MAP3K2: variants seen among roughly 807,000 people sequenced by gnomAD.
The protein encoded by MAP3K2 is MAP/ERK kinase kinase 2.
Under a neutral mutation model 80.3 loss-of-function variants are expected in MAP3K2, and 24 were observed. The ratio of observed to expected loss-of-function variants is 0.30; its 90% CI spans 0.22 to 0.42. MAP3K2 has a LOEUF of 0.42. Among genes scored for constraint, MAP3K2 ranks in the 10% least tolerant of loss-of-function variants. MAP3K2 has a pLI of 1.00. For synonymous variants in MAP3K2, 244 were observed against 253.7 expected (o/e 0.96, Z 0.36); for missense variants, 608 against 750.1 (o/e 0.81, Z 2.21).
intron 1 of MAP3K2, among the ~76,000 whole-genome samples, chr2:127,377,044 G>A (rs996298376): frequency 2.6e-5 from 4 of 151,458 alleles, no homozygotes; most frequent in African/African-American, 7.3e-5. Context: ...CTGAATGATA[G>A]AGCGAGATCC....
rs1470903244 is a variant in MAP3K2 at position 127,321,721 on chromosome 2, T to C, written c.1045+325A>G. 6.6e-6 allele frequency among the ~76,000 whole-genome samples: 1 copy of C among 152,234 alleles called. No homozygotes were observed. Among genetic ancestry groups the C allele is most frequent in the Non-Finnish European group, 1.5e-5 (1 of 68,040 alleles). Reference sequence around the variant, plus strand: ...ACAATAATTATTTCTCCATGTATCATCTATCCCATTAGATTATGTCTTGGA... The same window carrying C: ...ACAATAATTATTTCTCCATGTATCACCTATCCCATTAGATTATGTCTTGGA... On this transcript the variant is annotated intron_variant, in intron 12 of 16. Coordinates refer to ENST00000682094, the MANE Select transcript of MAP3K2 (RefSeq NM_001371910.2). This position sits in a 1 kb window ranked among gnomAD's most constrained non-coding sequence, Gnocchi z 4.4.
chr2:127,342,478 G>A (rs1243330391), intron 2 of MAP3K2, among the ~76,000 whole-genome samples: 1 of 151,450 alleles, frequency 6.6e-6, no homozygotes, highest in Non-Finnish European at 1.5e-5. Flanking sequence ...ACTCTGGCAA[G>A]CAAATGTCAG....
chr2:127,339,247 C>G lies in MAP3K2; in HGVS notation c.5-197G>C, dbSNP rs1038455542. ...ACTAGACTTAATCTCTAGCATCAGT[C>G]CACACATGAGACACTAATGGACAAG... On this transcript the variant is annotated intron_variant, in intron 2 of 16. Coordinates refer to ENST00000682094, the MANE Select transcript of MAP3K2 (RefSeq NM_001371910.2). The surrounding 1 kb of genome is among the most constrained non-coding windows in gnomAD (Gnocchi z 4.2). Among the ~76,000 whole-genome samples, 47 of 152,164 alleles carry G rather than the reference C, an allele frequency of 3.1e-4. No individual in the cohort carries two copies. The highest frequency in any genetic ancestry group is 1.1e-3 in the African/African-American group (47 of 41,442).
chr2:127,346,777 C>A (rs979262084), intron 1 of MAP3K2, among the ~76,000 whole-genome samples: 2 of 151,788 alleles, frequency 1.3e-5, no homozygotes, highest in African/African-American at 4.8e-5. Flanking sequence ...CACCTGAGGT[C>A]AGGAGTTCGA....
chr2:127,313,499 T>C (rs1183336612), intron 15 of MAP3K2, among the ~76,000 whole-genome samples: 1 of 152,122 alleles, frequency 6.6e-6, no homozygotes, highest in Non-Finnish European at 1.5e-5. Flanking sequence ...GGAATGTTCT[T>C]GTTGGTCTGA....
intron 1 of MAP3K2, among the ~76,000 whole-genome samples, chr2:127,352,195 G>A (rs1686702808): frequency 6.6e-6 from 1 of 151,992 alleles, no homozygotes; most frequent in South Asian, 2.1e-4. Flanking sequence ...TACTTTTGGT[G>A]TTATATTCTA....
intron 13 of MAP3K2, 68 bp from the exon 14 acceptor site, chr2:127,317,828 G>T: frequency 7.2e-7 from 1 of 1,391,424 alleles, no homozygotes; most frequent in Non-Finnish European, 9.8e-7. Context: ...TAACTTCATG[G>T]ACCATCAAGG....
Position 127,335,897 on chromosome 2 carries a change from A to C in MAP3K2, c.237T>G (p.Ser79=). Residue 79 remains serine, a synonymous_variant, in exon 5 of 17, where the codon TCT becomes TCG. Transcript: ENST00000682094. ...RSKAKIAFGQ[S]MDLHYTNNEL... ...CGTTATTGGTATAATGTAGATCCAT[A>C]GACTGTCCAAAGGCAATTTTAGCTT... The C allele has an allele frequency of 6.4e-7, 1 of 1,570,020 alleles. No homozygotes were observed. Among genetic ancestry groups the C allele is most frequent in the Non-Finnish European group, 8.7e-7 (1 of 1,153,666 alleles).
rs1329996114 is a variant in MAP3K2, at chr2:127,317,725, C to A, written c.1230G>T (p.Leu410=). The A allele has an allele frequency of 1.2e-6, 2 of 1,602,400 alleles. No homozygotes were observed. ...CAATTCGCTCATGTAGCAAGTTTTT[C>A]AGCAACTGAATTTCACACTCAAGTG... ...VNALECEIQL[L]KNLLHERIVQ... is the part of the protein sequence containing the mutation. The change falls in exon 14 of 17, where the codon CTG becomes CTT. Residue 410 remains leucine, a synonymous_variant. Transcript: ENST00000682094.
intron 15 of MAP3K2, among the ~76,000 whole-genome samples, chr2:127,313,932 G>T (rs1432827912): frequency 1.3e-5 from 2 of 152,104 alleles, no homozygotes; most frequent in Non-Finnish European, 2.9e-5. Flanking sequence ...AGCCTCCCAG[G>T]TAGCTGGGAC....
intron 1 of MAP3K2, among the ~76,000 whole-genome samples, chr2:127,386,693 T>C (rs1425927017): frequency 6.6e-6 from 1 of 152,126 alleles, no homozygotes; most frequent in Admixed American, 6.6e-5. Flanking sequence ...GCCAAGAAAA[T>C]GATTTGGCAA....
At chr2:127,343,619 T>C (rs924731307) in intron 1 of MAP3K2, among the ~76,000 whole-genome samples, 1 of 152,052 alleles carries the variant, frequency 6.6e-6, no homozygotes, top group Non-Finnish European at 1.5e-5. Context: ...AAAAACTGCA[T>C]AACGCAATAA....
chr2:127,386,433 C>T (rs1254217490), intron 1 of MAP3K2, among the ~76,000 whole-genome samples: 1 of 152,138 alleles, frequency 6.6e-6, no homozygotes, highest in Non-Finnish European at 1.5e-5. Flanking sequence ...CATAAGACAA[C>T]GAACAAATCA....
chr2:127,314,988 G>A (rs1408245139), intron 14 of MAP3K2, 105 bp from the exon 15 acceptor site: 24 of 730,078 alleles, frequency 3.3e-5, no homozygotes, highest in South Asian at 1.1e-4. Flanking sequence ...CATCTCACTC[G>A]TCTAAGCATG....
At chr2:127,340,509 T>A (rs1458326780) in intron 2 of MAP3K2, among the ~76,000 whole-genome samples, 2 of 151,934 alleles carry the variant, frequency 1.3e-5, no homozygotes, top group African/African-American at 4.8e-5. Flanking sequence ...ATACAAAAAT[T>A]AGCCAGGCAT....
At chr2:127,383,732 G>A (rs1023319797) in intron 1 of MAP3K2, among the ~76,000 whole-genome samples, 1 of 152,084 alleles carries the variant, frequency 6.6e-6, no homozygotes, top group Non-Finnish European at 1.5e-5. Flanking sequence ...CAAAGTGGGA[G>A]GACCATCTGA....
intron 1 of MAP3K2, among the ~76,000 whole-genome samples, chr2:127,349,197 G>A (rs1686647610): frequency 6.6e-6 from 1 of 150,398 alleles, no homozygotes; most frequent in African/African-American, 2.5e-5. Context: ...GTCTCACTTT[G>A]TTGCCCAGGT....
chr2:127,322,382 T>C lies in MAP3K2; in HGVS notation c.839-130A>G, dbSNP rs1019074399. The C allele has an allele frequency of 7.6e-5, 46 of 603,718 alleles. No homozygotes were observed. Among genetic ancestry groups the C allele is most frequent in the South Asian group, 2.9e-4 (13 of 44,536 alleles). 37.4% of individuals were successfully genotyped at this position (603,718 alleles called of 1,614,324 possible). ...GGCTAAGAAACTCAAATAGGAATGA[T>C]TGGGTGGGAAAAAATAAACAGGATC... On this transcript the variant is annotated intron_variant, in intron 11 of 16. Coordinates refer to ENST00000682094, the MANE Select transcript of MAP3K2 (RefSeq NM_001371910.2). This position sits in a 1 kb window ranked among gnomAD's most constrained non-coding sequence, Gnocchi z 4.2.
Position 127,327,563 on chromosome 2 carries a change from A to T in MAP3K2, c.467-746T>A, listed in dbSNP as rs1367654479. Among the ~76,000 whole-genome samples, 4 of 142,224 alleles carry T rather than the reference A, an allele frequency of 2.8e-5. No homozygotes were observed. The Admixed American group carries it at 2.8e-4, about 10-fold the overall frequency. The allele number at this position is 142,224 out of a possible 152,430, so 93.3% of individuals were successfully genotyped here. A position where few individuals can be genotyped will look rare whatever the true frequency, so the allele number is the denominator to read the frequency against. On this transcript the variant is annotated intron_variant, in intron 7 of 16. Coordinates refer to ENST00000682094, the MANE Select transcript of MAP3K2 (RefSeq NM_001371910.2). ...TAGTCAATTACTAAAAGGAGATAGG[A>T]CCAAAAAAAAAAAAAAGCTATGAAA...
Sources: allele counts gnomAD v4.1 joint callset (sites outside exome capture counted in the v4.1 genomes callset), GRCh38; gene constraint gnomAD v4.1.1; non-coding constraint Gnocchi (gnomAD v3.1); transcripts MANE v1.5; gene names NCBI Gene and HGNC (gene_info 2026-07-23, HGNC 2026-07-21).